Variants in ELP3 observed in about 807,000 individuals in gnomAD.
The protein encoded by ELP3 is elongator acetyltransferase complex subunit 3.
Under a neutral mutation model 74.9 loss-of-function variants are expected in ELP3, and 56 were observed. The ratio of observed to expected loss-of-function variants is 0.75; its 90% CI spans 0.60 to 0.93. The LOEUF (loss-of-function observed/expected upper bound fraction) is 0.93, where lower values mean the gene tolerates loss of function less well. Ranked by LOEUF, ELP3 falls within the 40% of genes least tolerant of loss-of-function variation. The pLI, the probability that ELP3 is intolerant of heterozygous loss-of-function variation, is 0.00. For missense variants in ELP3, 573 were observed against 686.5 expected (o/e 0.83, Z 1.85); for synonymous variants, 222 against 239.8 (o/e 0.93, Z 0.68).
chr8:28,145,813 G>C (rs1813410069), intron 10 of ELP3, among the ~76,000 whole-genome samples: 1 of 152,082 alleles, frequency 6.6e-6, no homozygotes, highest in South Asian at 2.1e-4. Flanking sequence ...TAGTAGAGAC[G>C]GGGTTTCGCC....
At chr8:28,184,892 T>C (rs1382355908) in intron 14 of ELP3, among the ~76,000 whole-genome samples, 1 of 150,340 alleles carries the variant, frequency 6.7e-6, no homozygotes, top group Non-Finnish European at 1.5e-5. Context: ...GTCTCCTGGG[T>C]GGAAGGCGGA....
intron 7 of ELP3, among the ~76,000 whole-genome samples, chr8:28,114,773 C>G (rs907389437): frequency 6.6e-6 from 1 of 152,084 alleles, no homozygotes; most frequent in Non-Finnish European, 1.5e-5. Flanking sequence ...AGGTAAGGGC[C>G]AAGATACATG....
upstream of ELP3, among the ~76,000 whole-genome samples, chr8:28,092,202 C>G (rs1476640850): frequency 6.6e-6 from 1 of 151,490 alleles, no homozygotes; most frequent in Non-Finnish European, 1.5e-5. Context: ...GCAGTTTTTG[C>G]GTGACTCAGT....
intron 10 of ELP3, among the ~76,000 whole-genome samples, chr8:28,146,751 T>A (rs1288238886): frequency 6.6e-6 from 1 of 152,200 alleles, no homozygotes; most frequent in East Asian, 1.9e-4. Context: ...TGAAAAAGAC[T>A]TTGTCACTGA....
chr8:28,124,186 AG>A (rs1812485288), intron 7 of ELP3, among the ~76,000 whole-genome samples: 1 of 152,330 alleles, frequency 6.6e-6, no homozygotes, highest in South Asian at 2.1e-4. Flanking sequence ...TCTTCTTAAG[AG>A]AAAGGTAGAG....
chr8:28,102,367 G>A (rs948587457), intron 3 of ELP3, among the ~76,000 whole-genome samples: 6 of 152,106 alleles, frequency 3.9e-5, no homozygotes, highest in East Asian at 1.9e-4. Context: ...TGCATTTTCC[G>A]TTCCTACTGC....
At chr8:28,165,232 C>T (rs1386309642) in intron 14 of ELP3, among the ~76,000 whole-genome samples, 2 of 152,144 alleles carry the variant, frequency 1.3e-5, no homozygotes, top group Admixed American at 6.6e-5. Flanking sequence ...TTCTTTAGTT[C>T]TCAGCATGAC....
chr8:28,092,826 A>G (rs1471047686), upstream of ELP3: 1 of 13,402 alleles, frequency 7.5e-5, no homozygotes, highest in African/African-American at 3.2e-4. Flanking sequence ...CTGGGCTCCC[A>G]CTCCCCCCCA....
Position 28,184,082 on chromosome 8 carries a change from C to A in ELP3, c.1568-5567C>A, listed in dbSNP as rs916807875. ...AGAGGGGATCAGAGCAGAGCAAGGC[C>A]CTCACCCAGCCTTGGTGGCTAAGTG... On this transcript the variant is annotated intron_variant, in intron 14 of 14. Transcript: ENST00000256398. 3.3e-5 allele frequency among the ~76,000 whole-genome samples: 5 copies of A among 152,276 alleles called. No homozygotes were observed. The East Asian group carries it at 7.7e-4, about 23-fold the overall frequency.
chr8:28,106,015 T>C (rs1482790826), intron 3 of ELP3, among the ~76,000 whole-genome samples: 2 of 152,232 alleles, frequency 1.3e-5, no homozygotes, highest in Non-Finnish European at 2.9e-5. Flanking sequence ...AGGTTAGGTT[T>C]ATATATAATT....
chr8:28,156,130 C>A, intron 11 of ELP3, 98 bp downstream of exon 11: 4 of 936,506 alleles, frequency 4.3e-6, no homozygotes, highest in Admixed American at 2.0e-5. Flanking sequence ...ACCAGACTTG[C>A]GGGTCAGGTC....
intron 14 of ELP3, among the ~76,000 whole-genome samples, chr8:28,178,534 A>G (rs1814858347): frequency 6.6e-6 from 1 of 152,196 alleles, no homozygotes; most frequent in South Asian, 2.1e-4. Context: ...TCATTGATAT[A>G]TGGGATTCCA....
intron 2 of ELP3, 70 bp downstream of exon 2, chr8:28,097,388 C>A: frequency 1.0e-6 from 1 of 991,564 alleles, no homozygotes; most frequent in Non-Finnish European, 1.5e-6. Context: ...TTATCTAGTA[C>A]TACTTGTTTT....
intron 14 of ELP3, among the ~76,000 whole-genome samples, chr8:28,174,050 A>G (rs1814642223): frequency 6.6e-6 from 1 of 152,036 alleles, no homozygotes; most frequent in Admixed American, 6.5e-5. Flanking sequence ...GTGTGCACTT[A>G]TGGAAAATGT....
At position 28,162,065 on chromosome 8, in the gene ELP3, C is replaced by T. The variant is rs774307743; in HGVS notation, c.1554C>T (p.Ile518=). 1.3e-5 allele frequency: 21 copies of T among 1,613,990 alleles called. No individual in the cohort carries two copies. The South Asian group carries it at 1.4e-4, about 11-fold the overall frequency. Residue 518 remains isoleucine (I), a synonymous_variant, in exon 14 of 15, where the codon ATC becomes ATT. Coordinates refer to ENST00000256398, the MANE Select transcript of ELP3 (RefSeq NM_018091.6). The part of the protein sequence containing the change: ...IAREEHGSGK[I]AVISGVGTRN... ...GAGAAGAACATGGGTCTGGGAAAAT[C>T]GCTGTGATATCAGGTAACTGGGGGA...
At chr8:28,097,166 A>G in intron 1 of ELP3, 53 bp from the exon 2 acceptor site, 1 of 1,290,904 alleles carries the variant, frequency 7.7e-7, no homozygotes, top group Non-Finnish European at 1.1e-6. Context: ...TCAGATTTTA[A>G]AATCTTGATT....
At chr8:28,188,784 A>C (rs921747043) in intron 14 of ELP3, among the ~76,000 whole-genome samples, 1 of 152,172 alleles carries the variant, frequency 6.6e-6, no homozygotes, top group Non-Finnish European at 1.5e-5. Flanking sequence ...CAAATTATCA[A>C]ATCTGAGGAG....
chr8:28,105,922 C>T (rs556458824), intron 3 of ELP3, among the ~76,000 whole-genome samples: 19 of 152,298 alleles, frequency 1.2e-4, no homozygotes, highest in African/African-American at 4.3e-4. Context: ...TACACCCAGA[C>T]CCTGAAACAT....
At chr8:28,188,558 G>T (rs1342390074) in intron 14 of ELP3, among the ~76,000 whole-genome samples, 4 of 152,112 alleles carry the variant, frequency 2.6e-5, no homozygotes, top group Admixed American at 2.6e-4. Context: ...TAAAAGATGG[G>T]GTTCAGAGAA....
Sources: gnomAD v4.1 joint callset for allele counts (sites outside exome capture counted in the v4.1 genomes callset) on GRCh38, gnomAD v4.1.1 for gene constraint, MANE v1.5 for transcripts, NCBI Gene and HGNC (gene_info 2026-07-23, HGNC 2026-07-21) for gene names.